ZNF609: variants seen among roughly 807,000 people sequenced by gnomAD.
ZNF609 encodes zinc finger protein 609.
In ZNF609, 11 loss-of-function variants were observed where a neutral mutation model predicts 109.5. The observed-to-expected ratio is 0.10, with a 90% CI of 0.06 to 0.17. ZNF609 has a LOEUF of 0.17. Ranked by LOEUF, ZNF609 falls within the 10% of genes least tolerant of loss-of-function variation. The pLI, the probability that ZNF609 is intolerant of heterozygous loss-of-function variation, is 1.00. For synonymous variants in ZNF609, 646 were observed against 662.0 expected, an observed-to-expected ratio of 0.98 and a Z score of 0.37; for missense variants, 1,559 against 1,772.4, an observed-to-expected ratio of 0.88 and a Z score of 2.16.
chr15:64,555,509 C>G (rs556195838), intron 2 of ZNF609, among the ~76,000 whole-genome samples: 3 of 151,610 alleles, frequency 2.0e-5, no homozygotes, highest in South Asian at 4.2e-4. Flanking sequence ...ACTAAAAATA[C>G]AAAAATTAGC....
At chr15:64,571,655 T>C (rs1894861367) in intron 2 of ZNF609, among the ~76,000 whole-genome samples, 1 of 151,964 alleles carries the variant, frequency 6.6e-6, no homozygotes, top group South Asian at 2.1e-4. Context: ...AACTCTCTAG[T>C]TTTATGTAGT....
chr15:64,650,482 G>A (rs546285265), intron 3 of ZNF609, among the ~76,000 whole-genome samples: 112 of 151,668 alleles, frequency 7.4e-4, no homozygotes, highest in African/African-American at 2.7e-3. Context: ...AATCAAATAA[G>A]TTCAGTCATG....
intron 3 of ZNF609, among the ~76,000 whole-genome samples, chr15:64,667,046 C>T (rs893334661): frequency 1.4e-4 from 22 of 152,058 alleles, no homozygotes; most frequent in Non-Finnish European, 1.2e-4. Context: ...AGGAGAATGG[C>T]GTGAACCCGG....
At chr15:64,623,198 T>G (rs1895904401) in intron 3 of ZNF609, 146 bp downstream of exon 3, 1 of 767,630 alleles carries the variant, frequency 1.3e-6, no homozygotes, top group South Asian at 1.8e-5. Flanking sequence ...CAGAGGATTT[T>G]AGCAGACTTA....
In ZNF609 at chr15:64,622,975, A is replaced by C. The variant is rs1188749890; in HGVS notation, c.896A>C (p.Glu299Ala). The C allele has an allele frequency of 6.2e-7, 1 of 1,614,262 alleles. No individual in the cohort carries two copies. Among genetic ancestry groups the C allele is most frequent in the Admixed American group, 1.7e-5 (1 of 60,028 alleles). ...VNTCDVALAT[E>A]PECLGPCEPG... is the part of the protein sequence containing the mutation. ...ACATGTGATGTGGCTCTGGCCACAGAGCCTGAGTGCTTGGGCCCCTGTGAA... is the reference window on the plus strand; with the variant it reads ...ACATGTGATGTGGCTCTGGCCACAGCGCCTGAGTGCTTGGGCCCCTGTGAA... Residue 299 changes from glutamate to alanine, a missense_variant, in exon 3 of 10, where the codon GAG becomes GCG. Around this residue, in one of 4 missense-constraint regions of ZNF609, gnomAD observed 291 missense variants for 317.8 expected, o/e 0.92. Transcript: ENST00000326648.
chr15:64,614,010 G>T (rs945988305), intron 2 of ZNF609, among the ~76,000 whole-genome samples: 7 of 151,162 alleles, frequency 4.6e-5, no homozygotes, highest in African/African-American at 1.7e-4. Context: ...TGCAACCTCT[G>T]CCTCCCAGGT....
intron 2 of ZNF609, among the ~76,000 whole-genome samples, chr15:64,505,636 C>CA (rs1453975025): frequency 3.3e-5 from 5 of 152,120 alleles, no homozygotes; most frequent in African/African-American, 1.2e-4. Flanking sequence ...ACCAGAGTAT[C>CA]AAAAATGCAC....
chr15:64,646,418 G>A (rs1292721381), intron 3 of ZNF609, among the ~76,000 whole-genome samples: 1 of 151,824 alleles, frequency 6.6e-6, no homozygotes. Context: ...ATCAGCAGAG[G>A]TCAGGAGTTC....
intron 3 of ZNF609, among the ~76,000 whole-genome samples, chr15:64,644,214 A>G (rs1011289427): frequency 6.6e-5 from 10 of 152,228 alleles, no homozygotes; most frequent in Non-Finnish European, 1.5e-4. Context: ...AAAGAAAAAG[A>G]AGGCCAAGGC....
intron 2 of ZNF609, among the ~76,000 whole-genome samples, chr15:64,567,406 C>T (rs773710305): frequency 3.3e-5 from 5 of 151,206 alleles, no homozygotes; most frequent in Admixed American, 1.3e-4. Context: ...CGTTTGAACC[C>T]GGGAGGTGGA....
chr15:64,564,949 G>A (rs1216340825), intron 2 of ZNF609, among the ~76,000 whole-genome samples: 4 of 151,444 alleles, frequency 2.6e-5, no homozygotes, highest in Non-Finnish European at 4.4e-5. Flanking sequence ...CCAGGTTCAC[G>A]CCATTCTCCT....
intron 2 of ZNF609, among the ~76,000 whole-genome samples, chr15:64,577,147 C>CAT (rs201160851): frequency 0.34 from 13,192 of 38,356 alleles, 4,922 homozygotes; most frequent in Middle Eastern, 0.54. Flanking sequence ...CAAATATATA[C>CAT]ATATGTGTAT....
At chr15:64,560,429 A>G (rs943315977) in intron 2 of ZNF609, among the ~76,000 whole-genome samples, 1 of 151,262 alleles carries the variant, frequency 6.6e-6, no homozygotes, top group Non-Finnish European at 1.5e-5. Flanking sequence ...CCATCTAGAT[A>G]GTGTTTATTT....
At chr15:64,603,320 G>C (rs1269273284) in intron 2 of ZNF609, among the ~76,000 whole-genome samples, 2 of 149,812 alleles carry the variant, frequency 1.3e-5, no homozygotes, top group African/African-American at 2.5e-5. Context: ...ACCCAGGCTG[G>C]AGTGCAGTGG....
intron 2 of ZNF609, among the ~76,000 whole-genome samples, chr15:64,588,724 T>A (rs1048499976): frequency 1.3e-5 from 2 of 151,414 alleles, no homozygotes; most frequent in Admixed American, 1.3e-4. Context: ...TGGCAAACTC[T>A]GCCTCCAGGG....
At chr15:64,632,309 C>G (rs1235163865) in intron 3 of ZNF609, among the ~76,000 whole-genome samples, 1 of 152,038 alleles carries the variant, frequency 6.6e-6, no homozygotes, top group Non-Finnish European at 1.5e-5. Flanking sequence ...CCCGCCTCAC[C>G]TCCCAAAATG....
intron 3 of ZNF609, among the ~76,000 whole-genome samples, chr15:64,624,491 CTGTT>C (rs980583068): frequency 6.6e-6 from 1 of 151,840 alleles, no homozygotes; most frequent in African/African-American, 2.4e-5. Context: ...GATTTCCTGC[CTGTT>C]TGTTCTGCTT....
At chr15:64,583,047 G>A (rs1259753760) in intron 2 of ZNF609, among the ~76,000 whole-genome samples, 1 of 149,288 alleles carries the variant, frequency 6.7e-6, no homozygotes, top group Non-Finnish European at 1.5e-5. Context: ...CACCACGCCG[G>A]GCCAAGACAA....
Position 64,633,098 on chromosome 15 carries a change from T to A in ZNF609, c.973+10046T>A, listed in dbSNP as rs141662077. ...CACACCTGGTCCATAAATAAAGTAT[T>A]GTTTTGTTTTTTTTTTTCTGTAACC... On this transcript the variant is annotated intron_variant, in intron 3 of 9. Transcript: ENST00000326648. 1.3e-4 allele frequency among the ~76,000 whole-genome samples: 20 copies of A among 151,798 alleles called. No individual in the cohort carries two copies. In the East Asian group the frequency reaches 3.9e-3, roughly 29 times the overall value.
Sources: gnomAD v4.1 joint callset for allele counts (sites outside exome capture counted in the v4.1 genomes callset) on GRCh38, gnomAD v4.1.1 for gene constraint, gnomAD v4.1.1 regional missense constraint, MANE v1.5 for transcripts, NCBI Gene and HGNC (gene_info 2026-07-23, HGNC 2026-07-21) for gene names.